The following VCAN variants were observed in gnomAD, a reference collection of about 807,000 sequenced individuals.
VCAN encodes the protein versican.
In VCAN, 44 loss-of-function variants were observed where a neutral mutation model predicts 245.5. That is an observed-to-expected ratio of 0.18 (90% CI 0.14 to 0.23). The LOEUF (loss-of-function observed/expected upper bound fraction) is 0.23. Ranked by LOEUF, VCAN falls within the 10% of genes least tolerant of loss-of-function variation. The pLI, the probability that VCAN is intolerant of heterozygous loss-of-function variation, is 1.00. For synonymous variants in VCAN, 1,413 were observed against 1,437.0 expected (o/e 0.98, Z 0.38); for missense variants, 3,793 against 4,057.9 (o/e 0.93, Z 1.77).
rs1224213612 is a variant in VCAN at position 83,510,461 on chromosome 5, A to G, written c.749-1642A>G. Among the ~76,000 whole-genome samples the G allele has an allele frequency of 2.0e-5, 3 of 152,220 alleles. No homozygotes were observed. In the East Asian group the frequency reaches 5.8e-4, roughly 29 times the overall value. ...GCTCTTTGGATCCCAGTTGTCTAATATATCATAGAATCAGAGATCAGCTTC... is the reference window on the plus strand; with the variant it reads ...GCTCTTTGGATCCCAGTTGTCTAATGTATCATAGAATCAGAGATCAGCTTC... On this transcript the variant is annotated intron_variant, in intron 5 of 14. Transcript: ENST00000265077.
rs1266106503 is a variant in VCAN at position 83,493,664 on chromosome 5, C to T, written c.564C>T (p.Ala188=). The change falls in exon 4 of 15, where the codon GCC becomes GCT. Residue 188 remains alanine, a synonymous_variant. Transcript: ENST00000265077. ...CAACTCCAGAGCAGCTCTTTGCTGC[C>T]TATGAAGATGGATTTGAGCAGTGTG... is the stretch of plus-strand genomic sequence containing the variant. ...VIATPEQLFA[A]YEDGFEQCDA... is the part of the protein sequence containing the mutation. The T allele has an allele frequency of 1.9e-6, 3 of 1,614,080 alleles. No individual in the cohort carries two copies. The highest frequency in any genetic ancestry group is 2.5e-6 in the Non-Finnish European group (3 of 1,180,008).
At chr5:83,547,003 G>T (rs949392360) in intron 9 of VCAN, among the ~76,000 whole-genome samples, 2 of 152,152 alleles carry the variant, frequency 1.3e-5, no homozygotes, top group Non-Finnish European at 2.9e-5. Context: ...TTTTAAAGTT[G>T]GGAAGATTTG....
At chr5:83,517,333 T>C (rs1307527518) in intron 6 of VCAN, among the ~76,000 whole-genome samples, 2 of 152,178 alleles carry the variant, frequency 1.3e-5, no homozygotes, top group Non-Finnish European at 2.9e-5. Flanking sequence ...CAATTGTACC[T>C]GTTTCTAAGT....
intron 2 of VCAN, among the ~76,000 whole-genome samples, chr5:83,486,092 C>T (rs1472530846): frequency 2.6e-5 from 4 of 152,022 alleles, no homozygotes; most frequent in African/African-American, 9.7e-5. Context: ...ATGATCGCAC[C>T]ACTGCACTCC....
chr5:83,508,374 G>A (rs1580616180), intron 5 of VCAN, among the ~76,000 whole-genome samples: 1 of 152,148 alleles, frequency 6.6e-6, no homozygotes, highest in African/African-American at 2.4e-5. Context: ...ACAAATTTAT[G>A]TACAGATGTC....
In VCAN at chr5:83,494,008, C is replaced by A; in HGVS notation, c.748+77C>A. 1.9e-6 allele frequency: 3 copies of A among 1,604,734 alleles called. No homozygotes were observed. The Admixed American group carries it at 5.0e-5, about 27-fold the overall frequency. On this transcript the variant is annotated intron_variant, in intron 5 of 14. Coordinates refer to ENST00000265077, the MANE Select transcript of VCAN (RefSeq NM_004385.5). ...AGACCAGAAGTTCATTGGAATAGAGCAAGTCTTCGTGCTTGTTTGGATTCC... is the reference window on the plus strand; with the variant it reads ...AGACCAGAAGTTCATTGGAATAGAGAAAGTCTTCGTGCTTGTTTGGATTCC...
chr5:83,496,615 A>T (rs1255870334), intron 5 of VCAN, among the ~76,000 whole-genome samples: 1 of 152,222 alleles, frequency 6.6e-6, no homozygotes, highest in Non-Finnish European at 1.5e-5. Context: ...TTACAATAAC[A>T]CTGTTCCTGA....
At chr5:83,531,538 A>G (rs1746521264) in intron 7 of VCAN, 1 of 152,202 alleles carries the variant, frequency 6.6e-6, no homozygotes, top group South Asian at 2.1e-4. Context: ...TTAAATAGGA[A>G]AACAAAATCT....
chr5:83,554,395 C>T (rs1048454653), intron 11 of VCAN, among the ~76,000 whole-genome samples: 1 of 152,186 alleles, frequency 6.6e-6, no homozygotes, highest in Non-Finnish European at 1.5e-5. Context: ...GATAGAGGTT[C>T]ATTTAACTTT....
rs559813730 is a variant in VCAN, at chr5:83,505,026, A to G, written c.749-7077A>G. 6.6e-5 allele frequency among the ~76,000 whole-genome samples: 10 copies of G among 151,790 alleles called. No homozygotes were observed. In the South Asian group the frequency reaches 1.9e-3, roughly 29 times the overall value. On this transcript the variant is annotated intron_variant, in intron 5 of 14. Coordinates refer to ENST00000265077, the MANE Select transcript of VCAN (RefSeq NM_004385.5). ...TATGAGAATAGCATGGGGAAGACCA[A>G]CCCCCATGATTCCATTACCTCCCCC...
chr5:83,560,585 G>A (rs1561270212), intron 12 of VCAN, among the ~76,000 whole-genome samples: 1 of 152,024 alleles, frequency 6.6e-6, no homozygotes, highest in Non-Finnish European at 1.5e-5. Flanking sequence ...TATACCTCCT[G>A]GCAAAATGAT....
intron 1 of VCAN, 69 bp from the exon 2 acceptor site, chr5:83,483,443 AG>A: frequency 5.6e-6 from 7 of 1,255,968 alleles, no homozygotes; most frequent in Non-Finnish European, 8.1e-6. Context: ...ATGCACAAAA[AG>A]CATGTGATTT....
intron 2 of VCAN, among the ~76,000 whole-genome samples, chr5:83,488,570 C>G (rs1251135429): frequency 1.3e-5 from 2 of 152,102 alleles, no homozygotes; most frequent in Non-Finnish European, 2.9e-5. Flanking sequence ...ACTTTGTAAG[C>G]CAAGGAGGCC....
At chr5:83,546,839 T>C (rs953098242) in intron 9 of VCAN, among the ~76,000 whole-genome samples, 1 of 152,240 alleles carries the variant, frequency 6.6e-6, no homozygotes, top group South Asian at 2.1e-4. Flanking sequence ...CTAAGAAATT[T>C]AACTTGCTTT....
chr5:83,558,122 C>G (rs1747739495), intron 12 of VCAN, among the ~76,000 whole-genome samples: 2 of 152,136 alleles, frequency 1.3e-5, no homozygotes, highest in Non-Finnish European at 2.9e-5. Flanking sequence ...ACCACCCTTT[C>G]CTCTATCCTT....
At position 83,548,035 on chromosome 5, in the gene VCAN, A is replaced by G; in HGVS notation, c.9444A>G (p.Thr3148=). The change falls in exon 10 of 15, where the codon ACA becomes ACG. Residue 3148 remains threonine, a synonymous_variant. Transcript: ENST00000265077. ...CCACTTGTGTTGATGGTTTTAACACATTCAGGTGCCTCTGCCTTCCAAGTT... is the reference window on the plus strand; with the variant it reads ...CCACTTGTGTTGATGGTTTTAACACGTTCAGGTGCCTCTGCCTTCCAAGTT... ...NGATCVDGFN[T]FRCLCLPSYV... 1.2e-6 allele frequency: 2 copies of G among 1,614,108 alleles called. No individual in the cohort carries two copies. The highest frequency in any genetic ancestry group is 8.5e-7 in the Non-Finnish European group (1 of 1,179,966).
intron 1 of VCAN, among the ~76,000 whole-genome samples, chr5:83,482,203 T>C (rs748496098): frequency 1.8e-4 from 28 of 152,222 alleles, no homozygotes; most frequent in Non-Finnish European, 4.1e-4. Context: ...TACTCATGGA[T>C]GCAAAATCCC....
At chr5:83,476,720 T>G (rs1363293230) in intron 1 of VCAN, among the ~76,000 whole-genome samples, 1 of 152,062 alleles carries the variant, frequency 6.6e-6, no homozygotes, top group Non-Finnish European at 1.5e-5. Context: ...TACAGGGTTT[T>G]TAAACACTGC....
chr5:83,488,638 A>G (rs918635731), intron 2 of VCAN, among the ~76,000 whole-genome samples: 2 of 152,352 alleles, frequency 1.3e-5, no homozygotes, highest in Non-Finnish European at 2.9e-5. Context: ...AGTCTTAGCA[A>G]TATTTCAAAG....
Sources: allele counts gnomAD v4.1 joint callset (sites outside exome capture counted in the v4.1 genomes callset), GRCh38; gene constraint gnomAD v4.1.1; transcripts MANE v1.5; gene names NCBI Gene and HGNC (gene_info 2026-07-23, HGNC 2026-07-21).